The following SNX6 variants were observed in gnomAD, a reference collection of about 807,000 sequenced individuals.
SNX6 encodes the protein sorting nexin-6.
A neutral mutation model predicts 63.0 loss-of-function variants in SNX6; 34 were observed. That is an observed-to-expected ratio of 0.54 (90% confidence interval 0.41 to 0.72). The LOEUF (loss-of-function observed/expected upper bound fraction) is 0.72. Among genes scored for constraint, SNX6 ranks in the 30% least tolerant of loss-of-function variants. SNX6 has a pLI of 0.00. For missense variants in SNX6, 398 were observed against 471.4 expected, an observed-to-expected ratio of 0.84 and a Z score of 1.44; for synonymous variants, 170 against 164.2, an observed-to-expected ratio of 1.04 and a Z score of -0.27.
intron 6 of SNX6, among the ~76,000 whole-genome samples, chr14:34,599,076 C>T (rs1459128958): frequency 6.6e-6 from 1 of 152,214 alleles, no homozygotes; most frequent in Non-Finnish European, 1.5e-5. Context: ...GACACGCAAT[C>T]TGCTAGCACC....
At chr14:34,568,034 C>T (rs374064886) in intron 11 of SNX6, 21 bp from the exon 12 acceptor site, 31 of 1,604,414 alleles carry the variant, frequency 1.9e-5, no homozygotes, top group Middle Eastern at 2.3e-4. Flanking sequence ...GAATGCTTCA[C>T]AATAGTATAT....
At chr14:34,616,708 T>C (rs1386034103) in intron 2 of SNX6, among the ~76,000 whole-genome samples, 1 of 152,146 alleles carries the variant, frequency 6.6e-6, no homozygotes, top group Non-Finnish European at 1.5e-5. Flanking sequence ...TTCTTCTCAG[T>C]TTAGCAAAAA....
In SNX6 at chr14:34,605,594, AC is replaced by A; in HGVS notation, c.392+1del. 1 of 1,565,188 alleles carries A rather than the reference AC, an allele frequency of 6.4e-7. No homozygotes were observed. The highest frequency in any genetic ancestry group is 8.6e-7 in the Non-Finnish European group (1 of 1,163,646). ...AAACAAAAAAATAAAAAAATCACTT[AC>A]GCTTCCAGTTCCTGTTTCATCTTTG... On this transcript the variant is annotated splice_donor_variant, in intron 5 of 13. Transcript: ENST00000362031. LOFTEE classifies it high-confidence loss of function.
At chr14:34,564,754 G>A (rs890441028) in intron 13 of SNX6, among the ~76,000 whole-genome samples, 4 of 151,502 alleles carry the variant, frequency 2.6e-5, no homozygotes, top group Admixed American at 6.6e-5. Context: ...TTGAACCCGG[G>A]AGGCAGAGGT....
At chr14:34,609,504 A>G (rs1883144384) in intron 3 of SNX6, 134 bp downstream of exon 3, 1 of 433,774 alleles carries the variant, frequency 2.3e-6, no homozygotes, top group African/African-American at 2.1e-5. Flanking sequence ...AAAAAAAAAA[A>G]GTACATTTTC....
intron 2 of SNX6, among the ~76,000 whole-genome samples, chr14:34,614,529 C>T (rs1288316393): frequency 2.6e-5 from 4 of 152,116 alleles, no homozygotes; most frequent in Admixed American, 6.6e-5. Flanking sequence ...AAATCTGTAA[C>T]CGAATACACC....
chr14:34,586,534 C>T (rs1329676539), intron 8 of SNX6, among the ~76,000 whole-genome samples: 1 of 151,586 alleles, frequency 6.6e-6, no homozygotes, highest in Non-Finnish European at 1.5e-5. Flanking sequence ...ATGGTGAAAT[C>T]CCATCTCTAT....
intron 11 of SNX6, chr14:34,569,074 G>A (rs1881324355): frequency 7.0e-6 from 8 of 1,141,434 alleles, no homozygotes; most frequent in Non-Finnish European, 1.1e-5. Context: ...GAGGAAGGCT[G>A]CCAGAGCTCT....
intron 6 of SNX6, among the ~76,000 whole-genome samples, chr14:34,598,300 G>A (rs546692292): frequency 6.6e-6 from 1 of 152,146 alleles, no homozygotes; most frequent in Non-Finnish European, 1.5e-5. Flanking sequence ...TACTTCCATT[G>A]CTTCAATGCT....
chr14:34,620,368 T>C (rs1594750457), intron 2 of SNX6, among the ~76,000 whole-genome samples: 1 of 151,916 alleles, frequency 6.6e-6, no homozygotes, highest in African/African-American at 2.4e-5. Context: ...TAGTCCCAGC[T>C]ACTTGGGAAG....
chr14:34,630,009 C>T, intron 1 of SNX6, 55 bp from the exon 2 acceptor site: 4 of 1,497,214 alleles, frequency 2.7e-6, no homozygotes, highest in Non-Finnish European at 3.5e-6. Context: ...GGGGGAGACA[C>T]AAAGGGAGAC....
At chr14:34,604,201 CAAA>C in intron 5 of SNX6, 1 of 1,288,408 alleles carries the variant, frequency 7.8e-7, no homozygotes, top group Non-Finnish European at 1.0e-6. Context: ...TCAGTGAAGA[CAAA>C]AAAGAAGGAT....
intron 2 of SNX6, among the ~76,000 whole-genome samples, chr14:34,620,192 C>A (rs1883571109): frequency 6.6e-6 from 1 of 152,234 alleles, no homozygotes. Context: ...CCTGCAGCAA[C>A]AATTCCAACT....
At chr14:34,577,681 C>A (rs1473846291) in intron 10 of SNX6, among the ~76,000 whole-genome samples, 1 of 151,922 alleles carries the variant, frequency 6.6e-6, no homozygotes, top group Non-Finnish European at 1.5e-5. Context: ...ATATATGGGA[C>A]CTTGTTTGTA....
intron 10 of SNX6, among the ~76,000 whole-genome samples, chr14:34,576,993 T>C (rs1380244599): frequency 2.6e-5 from 4 of 151,800 alleles, no homozygotes; most frequent in African/African-American, 4.8e-5. Flanking sequence ...GAGGTTGCAG[T>C]GAGCCAAGAT....
intron 3 of SNX6, 56 bp downstream of exon 3, chr14:34,609,582 C>A: frequency 1.0e-6 from 1 of 991,324 alleles, no homozygotes; most frequent in South Asian, 1.6e-5. Context: ...GTCAACATAT[C>A]ACATATGTAG....
chr14:34,618,003 T>C (rs1361137099), intron 2 of SNX6, among the ~76,000 whole-genome samples: 1 of 151,700 alleles, frequency 6.6e-6, no homozygotes, highest in African/African-American at 2.4e-5. Context: ...GCTTAGAACA[T>C]CCCTAAGACG....
intron 10 of SNX6, among the ~76,000 whole-genome samples, chr14:34,579,170 C>T (rs1385787376): frequency 6.6e-6 from 1 of 151,848 alleles, no homozygotes; most frequent in Non-Finnish European, 1.5e-5. Flanking sequence ...AATTCCCCTC[C>T]TAGTTATATA....
chr14:34,629,756 G>A (rs1002476809), intron 2 of SNX6, 151 bp downstream of exon 2: 9 of 1,256,088 alleles, frequency 7.2e-6, no homozygotes, highest in South Asian at 4.3e-5. Flanking sequence ...GGCTGCGGGA[G>A]GGTGGGGCGC....
Sources: gnomAD v4.1 joint callset for allele counts (sites outside exome capture counted in the v4.1 genomes callset) on GRCh38, gnomAD v4.1.1 for gene constraint, MANE v1.5 for transcripts, NCBI Gene and HGNC (gene_info 2026-07-23, HGNC 2026-07-21) for gene names.